CLVS1: variants seen among roughly 807,000 people sequenced by gnomAD.
The protein encoded by CLVS1 is clavesin 1, also known as clavesin-1.
In CLVS1, 10 loss-of-function variants were observed where a neutral mutation model predicts 33.1. That is an observed-to-expected ratio of 0.30 (90% CI 0.19 to 0.51). The LOEUF is 0.51. CLVS1 is among the 20% of genes least tolerant of loss of function. CLVS1 has a pLI of 0.97. For synonymous variants in CLVS1, 163 were observed against 166.1 expected, an observed-to-expected ratio of 0.98 and a Z score of 0.14; for missense variants, 343 against 433.4, an observed-to-expected ratio of 0.79 and a Z score of 1.85.
intron 5 of CLVS1, chr8:61,465,458 A>G (rs1005202793): frequency 6.6e-6 from 1 of 151,924 alleles, no homozygotes; most frequent in Non-Finnish European, 1.5e-5. Flanking sequence ...TTTTCTTTGG[A>G]TAATTGTAGC....
chr8:61,155,064 T>A (rs1245853746), intron 2 of CLVS1, among the ~76,000 whole-genome samples: 2 of 152,264 alleles, frequency 1.3e-5, no homozygotes, highest in East Asian at 3.9e-4. Flanking sequence ...GCTCTGGAGC[T>A]TTGGGCTGAG....
intron 2 of CLVS1, among the ~76,000 whole-genome samples, chr8:61,233,778 C>T (rs1485763797): frequency 1.3e-5 from 2 of 152,208 alleles, no homozygotes; most frequent in Non-Finnish European, 1.5e-5. Flanking sequence ...AGCGTACATC[C>T]TTGATGCATG....
chr8:61,280,821 TCTCA>T (rs762007087), intron 2 of CLVS1, among the ~76,000 whole-genome samples: 1 of 152,122 alleles, frequency 6.6e-6, no homozygotes, highest in Non-Finnish European at 1.5e-5. Flanking sequence ...AGAGATGAGG[TCTCA>T]CTATGTTGCA....
At chr8:61,208,445 A>G (rs939054194) in intron 2 of CLVS1, among the ~76,000 whole-genome samples, 4 of 152,222 alleles carry the variant, frequency 2.6e-5, no homozygotes, top group African/African-American at 7.2e-5. Flanking sequence ...TCAGCTTTAA[A>G]AAATTGCAAA....
chr8:61,003,511 G>A, the CLVS1 span, among the ~76,000 whole-genome samples: 1 of 152,182 alleles, frequency 6.6e-6, no homozygotes, highest in Non-Finnish European at 1.5e-5. Context: ...TTTCTGGGGT[G>A]CAGGAAGCCA....
At chr8:61,454,694 T>C (rs533936183) in intron 4 of CLVS1, among the ~76,000 whole-genome samples, 22 of 152,380 alleles carry the variant, frequency 1.4e-4, no homozygotes, top group African/African-American at 5.0e-4. Context: ...CCTGTAAAGC[T>C]GGAAAAGCAT....
chr8:61,421,080 T>C (rs1815643930), intron 3 of CLVS1, among the ~76,000 whole-genome samples: 1 of 152,180 alleles, frequency 6.6e-6, no homozygotes, highest in Non-Finnish European at 1.5e-5. Context: ...TGTAGGGTTG[T>C]TTTTGCTTTT....
the CLVS1 span, among the ~76,000 whole-genome samples, chr8:61,010,907 G>T: frequency 0.018 from 2,813 of 152,316 alleles, 71 homozygotes; most frequent in African/African-American, 0.06. Flanking sequence ...GCCTGGCTGG[G>T]GCTTCTGCGG....
intron 5 of CLVS1, 40 bp from the exon 6 acceptor site, chr8:61,499,415 A>C (rs377183270): frequency 1.4e-6 from 2 of 1,432,986 alleles, no homozygotes; most frequent in South Asian, 2.3e-5. Context: ...GTCACCATGA[A>C]TTGTTTGTAA....
At chr8:61,109,756 G>A (rs750134834) in intron 1 of CLVS1, among the ~76,000 whole-genome samples, 6 of 152,078 alleles carry the variant, frequency 3.9e-5, no homozygotes, top group Non-Finnish European at 5.9e-5. Context: ...ACGGGTTAAG[G>A]GATTAATGGT....
intron 2 of CLVS1, among the ~76,000 whole-genome samples, chr8:61,303,678 T>C (rs1173038340): frequency 6.6e-6 from 1 of 152,204 alleles, no homozygotes; most frequent in Non-Finnish European, 1.5e-5. Context: ...AATTTAGATA[T>C]TGTCATGTTG....
intron 2 of CLVS1, among the ~76,000 whole-genome samples, chr8:61,272,485 T>A (rs1445853689): frequency 6.6e-6 from 1 of 152,134 alleles, no homozygotes; most frequent in Non-Finnish European, 1.5e-5. Context: ...GAGTTGCTCT[T>A]CTTGAGGAGT....
chr8:61,480,402 T>C (rs1184343028), intron 5 of CLVS1, among the ~76,000 whole-genome samples: 1 of 152,228 alleles, frequency 6.6e-6, no homozygotes, highest in East Asian at 1.9e-4. Flanking sequence ...ATATAATCTC[T>C]TGGTGTGCCG....
At chr8:61,086,782 A>G (rs1391041082) in intron 1 of CLVS1, among the ~76,000 whole-genome samples, 1 of 152,216 alleles carries the variant, frequency 6.6e-6, no homozygotes. Context: ...ATTTTCTGGA[A>G]CATAATCTCC....
intron 1 of CLVS1, among the ~76,000 whole-genome samples, chr8:61,130,602 C>T (rs1320969517): frequency 6.6e-6 from 1 of 152,078 alleles, no homozygotes; most frequent in African/African-American, 2.4e-5. Flanking sequence ...ATTTGTTTTG[C>T]TTTGTTTTGT....
Position 61,458,168 on chromosome 8 carries a change from C to G in CLVS1, c.742-139C>G, listed in dbSNP as rs907318242. The G allele has an allele frequency of 6.3e-6, 4 of 635,886 alleles. No homozygotes were observed. In the African/African-American group the frequency reaches 7.3e-5, roughly 12 times the overall value. The allele number at this position is 635,886 out of a possible 1,614,324, so 39.4% of individuals were successfully genotyped here. A position where few individuals can be genotyped will look rare whatever the true frequency, so the allele number is the denominator to read the frequency against. ...CATTTTATGAAGACTAAGCTACAGT[C>G]ACAAAATCAATGCCTCTTTAAACAC... On this transcript the variant is annotated intron_variant, in intron 4 of 5. Transcript: ENST00000325897.
chr8:61,023,463 C>A, the CLVS1 span, among the ~76,000 whole-genome samples: 1 of 152,230 alleles, frequency 6.6e-6, no homozygotes, highest in Non-Finnish European at 1.5e-5. Flanking sequence ...TGCCATGCAC[C>A]ATTACATCCC....
At chr8:61,322,133 T>G (rs1811214222) in intron 2 of CLVS1, among the ~76,000 whole-genome samples, 1 of 152,200 alleles carries the variant, frequency 6.6e-6, no homozygotes, top group Non-Finnish European at 1.5e-5. Context: ...AAACATCCCC[T>G]GGCACAGAGT....
chr8:61,030,820 A>T, the CLVS1 span, among the ~76,000 whole-genome samples: 2 of 152,202 alleles, frequency 1.3e-5, no homozygotes. Flanking sequence ...GTCAGCCACC[A>T]CGAGGGAGAC....
Sources: allele counts gnomAD v4.1 joint callset (sites outside exome capture counted in the v4.1 genomes callset), GRCh38; gene constraint gnomAD v4.1.1; transcripts MANE v1.5; gene names NCBI Gene and HGNC (gene_info 2026-07-23, HGNC 2026-07-21).